SEMA3D: variants seen among roughly 807,000 people sequenced by gnomAD.
The protein encoded by SEMA3D is semaphorin 3D.
SEMA3D carries 84 observed loss-of-function variants against 100.1 expected under a neutral mutation model. The observed-to-expected ratio is 0.84, with a 90% CI of 0.70 to 1.01. SEMA3D has a LOEUF of 1.01. Ranked by LOEUF, SEMA3D falls within the 50% of genes least tolerant of loss-of-function variation. The pLI is 0.00. For synonymous variants in SEMA3D, 312 were observed against 320.7 expected (o/e 0.97, Z 0.29); for missense variants, 875 against 934.1 (o/e 0.94, Z 0.82).
chr7:85,073,374 C>T (rs557088759), intron 5 of SEMA3D, among the ~76,000 whole-genome samples: 9 of 151,632 alleles, frequency 5.9e-5, no homozygotes, highest in South Asian at 2.1e-4. Context: ...CCCTAGAGAA[C>T]GGATATAAAC....
At chr7:85,017,317 G>C (rs1398429521) in intron 15 of SEMA3D, among the ~76,000 whole-genome samples, 4 of 151,666 alleles carry the variant, frequency 2.6e-5, no homozygotes, top group Non-Finnish European at 5.9e-5. Flanking sequence ...ACTGTGCAGT[G>C]TAAGTGTCTT....
At chr7:85,149,657 G>A (rs535352409) in intron 2 of SEMA3D, among the ~76,000 whole-genome samples, 72 of 152,178 alleles carry the variant, frequency 4.7e-4, no homozygotes, top group Non-Finnish European at 9.0e-4. Flanking sequence ...CATTAAAGAA[G>A]ATACTGAGCT....
chr7:85,236,767 C>G, the SEMA3D span, among the ~76,000 whole-genome samples: 1 of 151,884 alleles, frequency 6.6e-6, no homozygotes, highest in Non-Finnish European at 1.5e-5. Flanking sequence ...AAATAGTGAA[C>G]CTTTAACTAT....
the SEMA3D span, among the ~76,000 whole-genome samples, chr7:85,241,025 C>T: frequency 1.3e-5 from 2 of 151,866 alleles, no homozygotes; most frequent in Non-Finnish European, 2.9e-5. Flanking sequence ...AGATGATTCT[C>T]AAAAGAAGAT....
At chr7:85,196,258 A>T in the SEMA3D span, among the ~76,000 whole-genome samples, 1 of 152,152 alleles carries the variant, frequency 6.6e-6, no homozygotes, top group Non-Finnish European at 1.5e-5. Context: ...ATAAAAGTGA[A>T]TCTAGAATCC....
chr7:85,057,739 C>T (rs1791361646), intron 8 of SEMA3D, among the ~76,000 whole-genome samples: 1 of 151,942 alleles, frequency 6.6e-6, no homozygotes, highest in Admixed American at 6.6e-5. Context: ...TTGAGAACAG[C>T]CTGGCCAATA....
intron 18 of SEMA3D, among the ~76,000 whole-genome samples, chr7:85,004,036 A>C (rs1426084718): frequency 1.3e-5 from 2 of 152,108 alleles, no homozygotes; most frequent in Admixed American, 1.3e-4. Flanking sequence ...GATATAACAA[A>C]GTTCATTATT....
chr7:85,211,596 T>C, the SEMA3D span, among the ~76,000 whole-genome samples: 1 of 152,074 alleles, frequency 6.6e-6, no homozygotes, highest in Non-Finnish European at 1.5e-5. Flanking sequence ...AAATTACAAA[T>C]GCATGAAAGG....
chr7:85,126,492 CTT>C (rs966442430), intron 2 of SEMA3D, among the ~76,000 whole-genome samples: 5 of 150,594 alleles, frequency 3.3e-5, no homozygotes, highest in Non-Finnish European at 5.9e-5. Flanking sequence ...ATAAAGAGCT[CTT>C]TGTTCTTTAT....
intron 3 of SEMA3D, among the ~76,000 whole-genome samples, chr7:85,111,840 T>A (rs1446283876): frequency 1.3e-5 from 2 of 152,084 alleles, no homozygotes; most frequent in Non-Finnish European, 2.9e-5. Flanking sequence ...AGCCATACCA[T>A]CTTCTTTAGG....
intron 1 of SEMA3D, among the ~76,000 whole-genome samples, chr7:85,186,446 C>A (rs1301941261): frequency 1.3e-5 from 2 of 152,146 alleles, no homozygotes; most frequent in Admixed American, 6.5e-5. Context: ...TGGGACTGCG[C>A]CCCAGGGGCC....
At chr7:85,229,718 A>T in the SEMA3D span, among the ~76,000 whole-genome samples, 1 of 152,102 alleles carries the variant, frequency 6.6e-6, no homozygotes, top group Non-Finnish European at 1.5e-5. Flanking sequence ...AGAACTTTGC[A>T]CATTTTGCAT....
rs143444635 is a variant in SEMA3D at position 85,046,510 on chromosome 7, A to T, written c.862-4225T>A. Reference sequence around the variant, plus strand: ...AACCAAGACAAAACAAAACAAAAAAATCCAAGCCAAAGATGAAAGCCACCT... The same window carrying T: ...AACCAAGACAAAACAAAACAAAAAATTCCAAGCCAAAGATGAAAGCCACCT... On this transcript the variant is annotated intron_variant, in intron 9 of 18. Coordinates refer to ENST00000284136, the MANE Select transcript of SEMA3D (RefSeq NM_001384900.1). Among the ~76,000 whole-genome samples, 1,096 of 152,092 alleles carry T rather than the reference A, an allele frequency of 7.2e-3. 13 individuals carry two copies. Among genetic ancestry groups the T allele is most frequent in the African/African-American group, 0.025 (1,022 of 41,536 alleles).
chr7:85,141,804 G>A, intron 2 of SEMA3D: 2 of 762,558 alleles, frequency 2.6e-6, no homozygotes, highest in Non-Finnish European at 3.2e-6. Context: ...GGCGGTCAGT[G>A]TAACCCCTAC....
At position 84,999,425 on chromosome 7, in the gene SEMA3D, A is replaced by AAATT; in HGVS notation, c.*11_*14dup. Reference sequence around the variant, plus strand: ...TTATAGGTAAGGAATTCTTTTCTTTAAATTAAGTAGAAAACTACGTGGCTA... The same window carrying AAATT: ...TTATAGGTAAGGAATTCTTTTCTTTAAATTAATTAAGTAGAAAACTACGTGGCTA... On this transcript the variant is annotated 3_prime_UTR_variant, in exon 19 of 19. Coordinates refer to ENST00000284136, the MANE Select transcript of SEMA3D (RefSeq NM_001384900.1). 6.2e-7 allele frequency: 1 copy of AAATT among 1,604,820 alleles called. No individual in the cohort carries two copies. The highest frequency in any genetic ancestry group is 8.5e-7 in the Non-Finnish European group (1 of 1,173,704).
Position 85,009,166 on chromosome 7 carries a change from G to A in SEMA3D, c.1769-2225C>T, listed in dbSNP as rs568731936. On this transcript the variant is annotated intron_variant, in intron 17 of 18. Transcript: ENST00000284136. ...TTCTTATTACATGTAAGATAATTGT[G>A]GAGTTTTTTTTTCCTCTAGATTGCA... is the stretch of plus-strand genomic sequence containing the variant. Among the ~76,000 whole-genome samples the A allele has an allele frequency of 3.3e-5, 5 of 151,396 alleles. No individual in the cohort carries two copies. In the South Asian group the frequency reaches 8.3e-4, roughly 25 times the overall value.
rs373258660 is a variant in SEMA3D, at chr7:85,022,488, C to T, written c.1317G>A (p.Thr439=). 26 of 1,612,376 alleles carry T rather than the reference C, an allele frequency of 1.6e-5. 1 individual carries two copies. Among genetic ancestry groups the T allele is most frequent in the African/African-American group, 1.5e-4 (11 of 74,778 alleles). The change falls in exon 13 of 19, where the codon ACG becomes ACA. Residue 439 remains threonine (T), a synonymous_variant. Coordinates refer to ENST00000284136, the MANE Select transcript of SEMA3D (RefSeq NM_001384900.1). ...TGTAATCCACATTGATTCTCTTGAA[C>T]GTTGGTCCTCCTGCAACTGGGTATA... ...KSVYPVAGGP[T]FKRINVDYRL...
chr7:85,164,816 C>T (rs970545258), intron 1 of SEMA3D, among the ~76,000 whole-genome samples: 2 of 152,032 alleles, frequency 1.3e-5, no homozygotes, highest in African/African-American at 4.8e-5. Context: ...AAACTCAACT[C>T]CATTGTATTT....
chr7:85,132,770 T>A (rs1281550479), intron 2 of SEMA3D, among the ~76,000 whole-genome samples: 1 of 151,954 alleles, frequency 6.6e-6, no homozygotes, highest in Non-Finnish European at 1.5e-5. Context: ...TCACATGAAT[T>A]TATTATATTT....
Sources: gnomAD v4.1 joint callset for allele counts (sites outside exome capture counted in the v4.1 genomes callset) on GRCh38, gnomAD v4.1.1 for gene constraint, MANE v1.5 for transcripts, NCBI Gene and HGNC (gene_info 2026-07-23, HGNC 2026-07-21) for gene names.